The following STK17B variants were observed in gnomAD, a reference collection of about 807,000 sequenced individuals.
STK17B encodes the protein serine/threonine-protein kinase 17B.
A neutral mutation model predicts 42.0 loss-of-function variants in STK17B; 21 were observed. The ratio of observed to expected loss-of-function variants is 0.50; its 90% CI spans 0.35 to 0.72. The LOEUF (loss-of-function observed/expected upper bound fraction) is 0.72. STK17B is among the 30% of genes least tolerant of loss of function. The pLI is 0.00. For synonymous variants in STK17B, 143 were observed against 148.4 expected, an observed-to-expected ratio of 0.96 and a Z score of 0.26; for missense variants, 349 against 446.0, an observed-to-expected ratio of 0.78 and a Z score of 1.96.
chr2:196,159,983 A>G (rs1460269290), intron 2 of STK17B, among the ~76,000 whole-genome samples: 2 of 152,236 alleles, frequency 1.3e-5, no homozygotes, highest in East Asian at 3.8e-4. Flanking sequence ...TTTTACCATA[A>G]TTATCAGATG....
chr2:196,169,914 A>ATCTCAAAATATGTATCT (rs1300535562), intron 1 of STK17B, among the ~76,000 whole-genome samples: 1 of 152,180 alleles, frequency 6.6e-6, no homozygotes, highest in East Asian at 1.9e-4. Flanking sequence ...TCTAAAATGT[A>ATCTCAAAATATGTATCT]CAATATGTAT....
chr2:196,137,710 T>C lies in STK17B; in HGVS notation c.856A>G (p.Ile286Val). 3.7e-6 allele frequency: 6 copies of C among 1,612,398 alleles called. No individual in the cohort carries two copies. The highest frequency in any genetic ancestry group is 5.1e-6 in the Non-Finnish European group (6 of 1,178,998). Residue 286 changes from isoleucine (I) to valine (V), a missense_variant, in exon 8 of 8, where the codon ATA (isoleucine) becomes GTA (valine). Physicochemically the swap from Ile to Val is conservative, Grantham distance 29. This residue lies in a region of STK17B where 256 missense variants were observed against 347.7 expected (regional missense o/e 0.74). Coordinates refer to ENST00000263955, the MANE Select transcript of STK17B (RefSeq NM_004226.4). ...KNPEKRPTAEICLSHSWLQQW... is the reference protein window; with the variant it reads ...KNPEKRPTAEVCLSHSWLQQW... ...TGTAGCCAAGAATGAGAAAGGCATA[T>C]CTCTGCTGTTGGTCTTTTCCTTTGA...
At chr2:196,163,565 G>T (rs2105710786) in intron 1 of STK17B, 138 bp from the exon 2 acceptor site, 2 of 606,968 alleles carry the variant, frequency 3.3e-6, no homozygotes, top group South Asian at 9.2e-5. Flanking sequence ...CCACAAGGAG[G>T]AAAAAACAAA....
Position 196,136,035 on chromosome 2 carries a change from T to A in STK17B, c.*1412A>T, listed in dbSNP as rs1699399226. 1 of 152,138 alleles carries A rather than the reference T, an allele frequency of 6.6e-6. No individual in the cohort carries two copies. The highest frequency in any genetic ancestry group is 1.5e-5 in the Non-Finnish European group (1 of 68,034). 9.4% of individuals were successfully genotyped at this position (152,138 alleles called of 1,614,324 possible). A position where few individuals can be genotyped will look rare whatever the true frequency, so the allele number is the denominator to read the frequency against. On this transcript the variant is annotated 3_prime_UTR_variant, in exon 8 of 8. Coordinates refer to ENST00000263955, the MANE Select transcript of STK17B (RefSeq NM_004226.4). ...GATAGTTATTCAAAAAGTTTTAAGTTATTATTAAAGAATTTGGAAACTTAC... is the reference window on the plus strand; with the variant it reads ...GATAGTTATTCAAAAAGTTTTAAGTAATTATTAAAGAATTTGGAAACTTAC...
intron 2 of STK17B, among the ~76,000 whole-genome samples, chr2:196,159,024 A>AC (rs1553624809): frequency 2.4e-4 from 37 of 151,228 alleles, no homozygotes; most frequent in African/African-American, 7.5e-4. Context: ...AAAAAAAAAA[A>AC]CAAAAAAACA....
At chr2:196,152,661 T>C (rs987121431) in intron 3 of STK17B, among the ~76,000 whole-genome samples, 9 of 152,216 alleles carry the variant, frequency 5.9e-5, no homozygotes, top group Non-Finnish European at 1.0e-4. Flanking sequence ...TATGAACTAA[T>C]GTAGAATGAT....
chr2:196,146,432 A>G (rs1281116884), intron 3 of STK17B, among the ~76,000 whole-genome samples: 1 of 152,158 alleles, frequency 6.6e-6, no homozygotes, highest in East Asian at 1.9e-4. Flanking sequence ...TGAACCTGGG[A>G]GGCAAAGGTT....
intron 1 of STK17B, among the ~76,000 whole-genome samples, chr2:196,164,255 T>C (rs1001898666): frequency 6.6e-6 from 1 of 152,196 alleles, no homozygotes; most frequent in African/African-American, 2.4e-5. Flanking sequence ...GTTTCAGTAC[T>C]AAACTCAGAA....
chr2:196,145,458 G>A (rs1293653924), intron 4 of STK17B, among the ~76,000 whole-genome samples: 2 of 152,250 alleles, frequency 1.3e-5, no homozygotes, highest in Middle Eastern at 3.4e-3. Context: ...GAGCCTGAAC[G>A]ATCTGGAAGA....
chr2:196,170,158 A>C (rs1699921583), intron 1 of STK17B, among the ~76,000 whole-genome samples: 1 of 151,764 alleles, frequency 6.6e-6, no homozygotes, highest in African/African-American at 2.4e-5. Flanking sequence ...AAACTAAAAA[A>C]CAGTGTTATC....
chr2:196,138,947 T>C (rs1699450361), intron 7 of STK17B, among the ~76,000 whole-genome samples: 1 of 152,044 alleles, frequency 6.6e-6, no homozygotes, highest in Non-Finnish European at 1.5e-5. Flanking sequence ...ATGATACTTG[T>C]TATGTATGTA....
At chr2:196,173,341 T>C (rs187424125), upstream of STK17B, among the ~76,000 whole-genome samples, 151 of 152,350 alleles carry the variant, frequency 9.9e-4, 1 homozygote, top group Non-Finnish European at 7.5e-4. Context: ...ACTCTGCTGA[T>C]TCCTACTTTC....
upstream of STK17B, among the ~76,000 whole-genome samples, chr2:196,175,963 G>A (rs1376042392): frequency 6.6e-6 from 1 of 152,076 alleles, no homozygotes; most frequent in African/African-American, 2.4e-5. Context: ...TAAATTCGGT[G>A]GTACATATCT....
intron 3 of STK17B, among the ~76,000 whole-genome samples, chr2:196,150,178 C>CT (rs138411490): frequency 0.015 from 247 of 16,370 alleles, 57 homozygotes; most frequent in Middle Eastern, 0.079. Flanking sequence ...AGAGCAGTGA[C>CT]TAAAAAAAAA....
chr2:196,173,590 G>A (rs1056659891), upstream of STK17B, among the ~76,000 whole-genome samples: 7 of 152,170 alleles, frequency 4.6e-5, no homozygotes, highest in African/African-American at 1.7e-4. Flanking sequence ...GGCCTTGCAG[G>A]AAAATTCAGA....
upstream of STK17B, chr2:196,174,341 T>G (rs1421927320): frequency 6.6e-6 from 1 of 152,120 alleles, no homozygotes. Flanking sequence ...TCACATCAAG[T>G]CAGTCACCGC....
At chr2:196,152,339 C>T (rs556109594) in intron 3 of STK17B, among the ~76,000 whole-genome samples, 2 of 152,240 alleles carry the variant, frequency 1.3e-5, no homozygotes, top group African/African-American at 4.8e-5. Flanking sequence ...CATCTCCTGA[C>T]CTCATGATCC....
chr2:196,172,060 C>T (rs1448092054), upstream of STK17B, among the ~76,000 whole-genome samples: 2 of 152,166 alleles, frequency 1.3e-5, no homozygotes, highest in Non-Finnish European at 2.9e-5. Flanking sequence ...CCGGAACGTA[C>T]CCTGTAAGTG....
upstream of STK17B, among the ~76,000 whole-genome samples, chr2:196,173,707 C>T (rs1304970865): frequency 1.3e-5 from 2 of 152,198 alleles, no homozygotes; most frequent in African/African-American, 4.8e-5. Context: ...CTCCAGGTGA[C>T]CTGATGGTCA....
Sources: gnomAD v4.1 joint callset for allele counts (sites outside exome capture counted in the v4.1 genomes callset) on GRCh38, gnomAD v4.1.1 for gene constraint, gnomAD v4.1.1 regional missense constraint, MANE v1.5 for transcripts, NCBI Gene and HGNC (gene_info 2026-07-23, HGNC 2026-07-21) for gene names.